The following CLSTN3 variants were observed in gnomAD, a reference collection of about 807,000 sequenced individuals.
The protein encoded by CLSTN3 is calsyntenin 3.
A neutral mutation model predicts 95.9 loss-of-function variants in CLSTN3; 36 were observed. That is an observed-to-expected ratio of 0.38 (90% CI 0.29 to 0.50). CLSTN3 has a LOEUF of 0.50. CLSTN3 is among the 20% of genes least tolerant of loss of function. The probability of loss-of-function intolerance (pLI) is 0.95; values close to 1 mark genes in which losing one functional copy is unlikely to be tolerated. For synonymous variants in CLSTN3, 481 were observed against 504.0 expected (o/e 0.95, Z 0.61); for missense variants, 1,084 against 1,268.8 (o/e 0.85, Z 2.21).
In CLSTN3 at chr12:7,133,509, G is replaced by A. The variant is rs934250256; in HGVS notation, c.188-64G>A. On this transcript the variant is annotated intron_variant, in intron 2 of 17. Transcript: ENST00000266546. The surrounding 1 kb of genome is among the most constrained non-coding windows in gnomAD (Gnocchi z 4.7). Reference sequence around the variant, plus strand: ...GGAGAGGTGGAGCTGGACCCCAGGTGGGGAGACTGAGGGTGGGGAAGGAGA... The same window carrying A: ...GGAGAGGTGGAGCTGGACCCCAGGTAGGGAGACTGAGGGTGGGGAAGGAGA... 62 of 1,516,548 alleles carry A rather than the reference G, an allele frequency of 4.1e-5. No homozygotes were observed. The highest frequency in any genetic ancestry group is 6.8e-5 in the Admixed American group (4 of 59,106). 93.9% of individuals were successfully genotyped at this position (1,516,548 alleles called of 1,614,324 possible). A position where few individuals can be genotyped will look rare whatever the true frequency, so the allele number is the denominator to read the frequency against.
intron 12 of CLSTN3, among the ~76,000 whole-genome samples, chr12:7,145,728 A>T (rs1164535607): frequency 6.6e-6 from 1 of 152,022 alleles, no homozygotes; most frequent in African/African-American, 2.4e-5. Flanking sequence ...TAGCACCTCA[A>T]CCGAAAGAGC....
chr12:7,134,363 G>A (rs1392751687), intron 3 of CLSTN3, among the ~76,000 whole-genome samples: 2 of 152,224 alleles, frequency 1.3e-5, no homozygotes, highest in African/African-American at 2.4e-5. Context: ...ACCTACGCTT[G>A]TTGCCAGCTA....
intron 8 of CLSTN3, among the ~76,000 whole-genome samples, chr12:7,140,725 A>G (rs996591305): frequency 3.3e-5 from 5 of 152,222 alleles, no homozygotes; most frequent in Non-Finnish European, 7.3e-5. Flanking sequence ...CCTAGGCAAC[A>G]TAGTGATAGC....
rs1446983938 is a variant in CLSTN3, at chr12:7,133,720, A to T, written c.335A>T (p.Tyr112Phe). The T allele has an allele frequency of 6.2e-7, 1 of 1,607,716 alleles. No homozygotes were observed. The highest frequency in any genetic ancestry group is 2.2e-5 in the East Asian group (1 of 44,868). The change falls in exon 3 of 18, where the codon TAT (tyrosine) becomes TTT (phenylalanine). Residue 112 changes from tyrosine to phenylalanine, a missense_variant. Transcript: ENST00000266546. The surrounding 1 kb of genome is among the most constrained non-coding windows in gnomAD (Gnocchi z 4.7). ...GAACACACCTTCACCATCCAGGCCT[A>T]TGACTGTGGCGAGGGCCCCGACGGG... Reference protein sequence around the residue: ...QKEHTFTIQAYDCGEGPDGAN... With the variant: ...QKEHTFTIQAFDCGEGPDGAN...
At chr12:7,138,276 A>AAAAAAAAAAAAAG (rs988293828) in intron 8 of CLSTN3, among the ~76,000 whole-genome samples, 11 of 152,208 alleles carry the variant, frequency 7.2e-5, no homozygotes, top group African/African-American at 2.6e-4. Context: ...CTGGATTTAA[A>AAAAAAAAAAAAAG]AAAAAAAGGG....
chr12:7,155,328 G>T (rs765013012), intron 16 of CLSTN3, among the ~76,000 whole-genome samples: 1 of 152,222 alleles, frequency 6.6e-6, no homozygotes, highest in Admixed American at 6.5e-5. Context: ...CTTGTAGATA[G>T]AGTGTCTGCA....
upstream of CLSTN3, chr12:7,129,702 C>T (rs1939241534): frequency 2.0e-6 from 2 of 985,432 alleles, no homozygotes; most frequent in African/African-American, 1.7e-5. The surrounding 1 kb of genome is among the most constrained non-coding windows in gnomAD (Gnocchi z 5.5). Flanking sequence ...CTGCCCAATT[C>T]TCTCTCGAAC....
chr12:7,130,383 C>G lies in CLSTN3; in HGVS notation c.-266C>G. ...CTGTGCTGACGTCATCCTGCAGTAG[C>G]GGGGTTGGGGTGGGAGTGAGAGAGT... On this transcript the variant is annotated 5_prime_UTR_variant, in exon 1 of 18. Coordinates refer to ENST00000266546, the MANE Select transcript of CLSTN3 (RefSeq NM_014718.4). 7.2e-7 allele frequency: 1 copy of G among 1,384,042 alleles called. No homozygotes were observed. The highest frequency in any genetic ancestry group is 9.4e-7 in the Non-Finnish European group (1 of 1,066,762). 85.7% of individuals were successfully genotyped at this position (1,384,042 alleles called of 1,614,324 possible). A position where few individuals can be genotyped will look rare whatever the true frequency, so the allele number is the denominator to read the frequency against.
At chr12:7,151,313 CAG>C (rs1202093959) in intron 16 of CLSTN3, among the ~76,000 whole-genome samples, 1 of 152,204 alleles carries the variant, frequency 6.6e-6, no homozygotes, top group Non-Finnish European at 1.5e-5. Context: ...GTCATAAAGT[CAG>C]TGTGGGTTTA....
At chr12:7,154,529 T>G (rs1939783956) in intron 16 of CLSTN3, among the ~76,000 whole-genome samples, 1 of 152,076 alleles carries the variant, frequency 6.6e-6, no homozygotes. Flanking sequence ...TTAGAGAGAA[T>G]AAGGTTGGTT....
chr12:7,155,581 G>T (rs1392349779), intron 16 of CLSTN3, among the ~76,000 whole-genome samples: 1 of 152,258 alleles, frequency 6.6e-6, no homozygotes, highest in Admixed American at 6.5e-5. Flanking sequence ...ACTGCCCCTG[G>T]CTCTGGTCTG....
intron 16 of CLSTN3, among the ~76,000 whole-genome samples, chr12:7,155,141 C>G (rs1939793607): frequency 6.6e-6 from 1 of 152,164 alleles, no homozygotes. Flanking sequence ...GCTAAGTCAC[C>G]CCTTAATGTT....
At chr12:7,132,903 C>G (rs779322449) in intron 1 of CLSTN3, 121 bp from the exon 2 acceptor site, 71 of 1,363,216 alleles carry the variant, frequency 5.2e-5, no homozygotes, top group Middle Eastern at 1.8e-4. Context: ...TAAGGTGCTC[C>G]TATAGGGGGT....
At chr12:7,145,377 G>A (rs567845999) in intron 12 of CLSTN3, among the ~76,000 whole-genome samples, 5 of 151,358 alleles carry the variant, frequency 3.3e-5, no homozygotes, top group Admixed American at 6.6e-5. Flanking sequence ...GTGTGCGCGC[G>A]CATTTGTGTG....
At chr12:7,136,472 C>T (rs947607159) in intron 6 of CLSTN3, 81 bp downstream of exon 6, 247 of 1,310,514 alleles carry the variant, frequency 1.9e-4, no homozygotes, top group Admixed American at 2.8e-4. Context: ...CTCTGCTTTA[C>T]ATCACCACTG....
intron 8 of CLSTN3, among the ~76,000 whole-genome samples, chr12:7,140,116 G>A (rs1198033445): frequency 6.6e-6 from 1 of 152,156 alleles, no homozygotes; most frequent in Non-Finnish European, 1.5e-5. Flanking sequence ...GCAGCTTGTA[G>A]CTCTGTTTGG....
In CLSTN3 at chr12:7,137,756, ATGTG is replaced by A. The variant is rs35489298; in HGVS notation, c.1211-162_1211-159del. Among the ~76,000 whole-genome samples, 27 of 76,166 alleles carry A rather than the reference ATGTG, an allele frequency of 3.5e-4. No homozygotes were observed. Among genetic ancestry groups the A allele is most frequent in the African/African-American group, 8.9e-4 (15 of 16,810 alleles). 50.0% of individuals were successfully genotyped at this position (76,166 alleles called of 152,430 possible). ...AGCCCAAGTTATCACTTGGACTGGAATGTGTGTGTGTGTGTGTGTGTGTGTGTGT... is the reference window on the plus strand; with the variant it reads ...AGCCCAAGTTATCACTTGGACTGGAATGTGTGTGTGTGTGTGTGTGTGTGT... On this transcript the variant is annotated intron_variant, in intron 7 of 17. Coordinates refer to ENST00000266546, the MANE Select transcript of CLSTN3 (RefSeq NM_014718.4). The surrounding 1 kb of genome is among the most constrained non-coding windows in gnomAD (Gnocchi z 4.4).
chr12:7,142,735 TGGTTTCCACATTTCTC>T, intron 10 of CLSTN3, 118 bp from the exon 11 acceptor site: 1 of 508,630 alleles, frequency 2.0e-6, no homozygotes, highest in Non-Finnish European at 3.2e-6. Context: ...TTTTTTTTTT[TGGTTTCCACATTTCTC>T]CTTTTTTTCT....
upstream of CLSTN3, chr12:7,130,303 T>TGCCC: frequency 1.9e-5 from 15 of 779,492 alleles, no homozygotes; most frequent in South Asian, 1.0e-4. Context: ...CAGCACCTGG[T>TGCCC]CCCCCCCCCT....
Sources: gnomAD v4.1 joint callset for allele counts (sites outside exome capture counted in the v4.1 genomes callset) on GRCh38, gnomAD v4.1.1 for gene constraint, Gnocchi (gnomAD v3.1) non-coding constraint, MANE v1.5 for transcripts, NCBI Gene and HGNC (gene_info 2026-07-23, HGNC 2026-07-21) for gene names.